MMAB: variants seen among roughly 807,000 people sequenced by gnomAD.
MMAB encodes metabolism of cobalamin associated B, also known as corrinoid adenosyltransferase MMAB.
In MMAB, 17 loss-of-function variants were observed where a neutral mutation model predicts 30.6. The observed-to-expected ratio is 0.56, with a 90% CI of 0.38 to 0.83. The LOEUF is 0.83. Ranked by LOEUF, MMAB falls within the 40% of genes least tolerant of loss-of-function variation. The probability of loss-of-function intolerance (pLI) is 0.00; values close to 1 mark genes in which losing one functional copy is unlikely to be tolerated. For synonymous variants in MMAB, 134 were observed against 138.6 expected, an observed-to-expected ratio of 0.97 and a Z score of 0.23; for missense variants, 311 against 331.6, an observed-to-expected ratio of 0.94 and a Z score of 0.48.
Position 109,557,146 on chromosome 12 carries a change from CAGAG to C in MMAB, c.645-14_645-11del. The stretch of plus-strand genomic sequence containing the variant: ...GAGATAGTCACTGAGTCTGGAGGGG[CAGAG>C]AGAGAGAAGCAAACAGAATGGTTTG... On this transcript the variant is annotated splice_polypyrimidine_tract_variant and intron_variant, in intron 8 of 8. Coordinates refer to ENST00000545712, the MANE Select transcript of MMAB (RefSeq NM_052845.4). 1 of 1,566,984 alleles carries C rather than the reference CAGAG, an allele frequency of 6.4e-7. No individual in the cohort carries two copies. The highest frequency in any genetic ancestry group is 8.8e-7 in the Non-Finnish European group (1 of 1,137,204).
At chr12:109,557,464 G>A (rs1157196641) in intron 8 of MMAB, among the ~76,000 whole-genome samples, 1 of 152,192 alleles carries the variant, frequency 6.6e-6, no homozygotes, top group Non-Finnish European at 1.5e-5. Context: ...CAGGGCTCAG[G>A]TGCGTGATCA....
rs746823302 is a variant in MMAB at position 109,555,275 on chromosome 12, GTTTTTT to G, written c.*1747_*1752del. On this transcript the variant is annotated 3_prime_UTR_variant, in exon 9 of 9. Coordinates refer to ENST00000545712, the MANE Select transcript of MMAB (RefSeq NM_052845.4). ...GAGCCTTAGTGATTGCGTTTTCAGG[GTTTTTT>G]TTTTTTTTTTTTTTTTTTTGTGACG... 0.13 allele frequency: 40,861 copies of G among 321,086 alleles called. 235 individuals carry two copies. Among genetic ancestry groups the G allele is most frequent in the Middle Eastern group, 0.16 (154 of 936 alleles). 19.9% of individuals were successfully genotyped at this position (321,086 alleles called of 1,614,324 possible).
In MMAB at chr12:109,554,664, G is replaced by C. The variant is rs1443018134; in HGVS notation, c.*2364C>G. 2 of 454,002 alleles carry C rather than the reference G, an allele frequency of 4.4e-6. No individual in the cohort carries two copies. Among genetic ancestry groups the C allele is most frequent in the African/African-American group, 2.0e-5 (1 of 50,006 alleles). 28.1% of individuals were successfully genotyped at this position (454,002 alleles called of 1,614,324 possible). ...TTCGCAGTCACATTTCCTGACTGTA[G>C]GGCTTTCATTAACTTTTCCCACCTG... On this transcript the variant is annotated 3_prime_UTR_variant, in exon 9 of 9. Transcript: ENST00000545712.
rs72650195 is a variant in MMAB at position 109,567,320 on chromosome 12, G to A, written c.290+1450C>T. ...ATCATGATGACTACTTGACAGAACC[G>A]TAAACTGAGGCTCACAGAGGCCACG... is the stretch of plus-strand genomic sequence containing the variant. On this transcript the variant is annotated intron_variant, in intron 3 of 8. Coordinates refer to ENST00000545712, the MANE Select transcript of MMAB (RefSeq NM_052845.4). 7.4e-3 allele frequency among the ~76,000 whole-genome samples: 1,123 copies of A among 152,290 alleles called. 13 individuals carry two copies. The highest frequency in any genetic ancestry group is 0.011 in the Non-Finnish European group (775 of 68,020).
rs183354300 is a variant in MMAB, at chr12:109,555,040, G to A, written c.*1988C>T. 344 of 454,070 alleles carry A rather than the reference G, an allele frequency of 7.6e-4. 1 individual carries two copies. The highest frequency in any genetic ancestry group is 2.7e-3 in the African/African-American group (136 of 50,098). 28.1% of individuals were successfully genotyped at this position (454,070 alleles called of 1,614,324 possible). A position where few individuals can be genotyped will look rare whatever the true frequency, so the allele number is the denominator to read the frequency against. Reference sequence around the variant, plus strand: ...GGACAGGACTTGGCAACAGGTGAACGGCCTTGTTTCAAAGATTGTCACTTT... The same window carrying A: ...GGACAGGACTTGGCAACAGGTGAACAGCCTTGTTTCAAAGATTGTCACTTT... On this transcript the variant is annotated 3_prime_UTR_variant, in exon 9 of 9. Transcript: ENST00000545712.
chr12:109,565,123 T>C lies in MMAB; in HGVS notation c.344A>G (p.Gln115Arg). 1 of 1,613,800 alleles carries C rather than the reference T, an allele frequency of 6.2e-7. No individual in the cohort carries two copies. The highest frequency in any genetic ancestry group is 1.7e-4 in the Middle Eastern group (1 of 6,060). ...GGGTGAGATGGTGTTACTCACTTTC[T>C]GAAGCTCTTCGGCAAATGTATGGCC... ...EKGHTFAEEL[Q>R]KIQCTLQDVG... Residue 115 changes from glutamine (Q) to arginine (R), a missense_variant, in exon 4 of 9, where the codon CAG becomes CGG. By Grantham distance (43) the Gln-to-Arg change is conservative (BLOSUM62 1). Coordinates refer to ENST00000545712, the MANE Select transcript of MMAB (RefSeq NM_052845.4).
At chr12:109,559,035 G>C in intron 8 of MMAB, 61 bp downstream of exon 8, 1 of 1,317,446 alleles carries the variant, frequency 7.6e-7, no homozygotes, top group Non-Finnish European at 1.1e-6. Context: ...CTGCACCGCT[G>C]CTACTTCCCA....
intron 8 of MMAB, 38 bp downstream of exon 8, chr12:109,559,058 G>T: frequency 1.3e-6 from 2 of 1,560,944 alleles, no homozygotes; most frequent in Non-Finnish European, 1.8e-6. Flanking sequence ...GATGAGCCTC[G>T]GCTTTCAGAG....
chr12:109,555,811 T>A lies in MMAB; in HGVS notation c.*1217A>T, dbSNP rs747661938. 1 of 454,012 alleles carries A rather than the reference T, an allele frequency of 2.2e-6. No homozygotes were observed. The highest frequency in any genetic ancestry group is 1.6e-5 in the South Asian group (1 of 64,470). The allele number at this position is 454,012 out of a possible 1,614,324, so 28.1% of individuals were successfully genotyped here. Reference sequence around the variant, plus strand: ...AACTTTGCAGGCCAGGTGGTAAGAATGAAGGCAAAAATATGCACGTGACTA... The same window carrying A: ...AACTTTGCAGGCCAGGTGGTAAGAAAGAAGGCAAAAATATGCACGTGACTA... On this transcript the variant is annotated 3_prime_UTR_variant, in exon 9 of 9. Transcript: ENST00000545712.
In MMAB at chr12:109,553,743, A is replaced by T. The variant is rs1270780756; in HGVS notation, c.*3285T>A. 2.4e-6 allele frequency: 1 copy of T among 411,556 alleles called. No homozygotes were observed. The highest frequency in any genetic ancestry group is 1.8e-5 in the South Asian group (1 of 56,526). The allele number at this position is 411,556 out of a possible 1,614,324, so 25.5% of individuals were successfully genotyped here. A position where few individuals can be genotyped will look rare whatever the true frequency, so the allele number is the denominator to read the frequency against. ...ATGTAGCATTCATGCGGAATTTATTATACAAAGAATTTTATTCAATTAAAC... is the reference window on the plus strand; with the variant it reads ...ATGTAGCATTCATGCGGAATTTATTTTACAAAGAATTTTATTCAATTAAAC... On this transcript the variant is annotated 3_prime_UTR_variant, in exon 9 of 9. Coordinates refer to ENST00000545712, the MANE Select transcript of MMAB (RefSeq NM_052845.4).
In MMAB at chr12:109,561,759, C is replaced by T; in HGVS notation, c.421+21G>A. 7 of 1,597,634 alleles carry T rather than the reference C, an allele frequency of 4.4e-6. No individual in the cohort carries two copies. The highest frequency in any genetic ancestry group is 6.0e-6 in the Non-Finnish European group (7 of 1,170,812). On this transcript the variant is annotated intron_variant, in intron 5 of 8. Coordinates refer to ENST00000545712, the MANE Select transcript of MMAB (RefSeq NM_052845.4). This position sits in a 1 kb window ranked among gnomAD's most constrained non-coding sequence, Gnocchi z 5.3. ...CCTGACCCTAGGGCCCTCTGAACAC[C>T]CACAGGAGTTTGAGAATTACTTAAG...
At chr12:109,559,527 T>G (rs1192323831) in intron 7 of MMAB, among the ~76,000 whole-genome samples, 1 of 152,218 alleles carries the variant, frequency 6.6e-6, no homozygotes, top group African/African-American at 2.4e-5. Context: ...TGACCCTTAA[T>G]TCCCAATGGG....
chr12:109,564,215 TG>T (rs1884325856), intron 4 of MMAB, among the ~76,000 whole-genome samples: 1 of 152,136 alleles, frequency 6.6e-6, no homozygotes, highest in Admixed American at 6.5e-5. Context: ...CACCCAGATG[TG>T]GCAACCAAAA....
chr12:109,559,685 GCCATC>G (rs1365453239), intron 7 of MMAB, among the ~76,000 whole-genome samples: 1 of 152,242 alleles, frequency 6.6e-6, no homozygotes, highest in African/African-American at 2.4e-5. Context: ...ACACTGGACG[GCCATC>G]TGCTGGGCAC....
rs886048923 is a variant in MMAB, at chr12:109,556,519, G to C, written c.*509C>G. 1.3e-5 allele frequency: 6 copies of C among 453,808 alleles called. No individual in the cohort carries two copies. The highest frequency in any genetic ancestry group is 9.4e-5 in the Admixed American group (4 of 42,538). The allele number at this position is 453,808 out of a possible 1,614,324, so 28.1% of individuals were successfully genotyped here. A position where few individuals can be genotyped will look rare whatever the true frequency, so the allele number is the denominator to read the frequency against. Reference sequence around the variant, plus strand: ...GTGACTAAACTTCCAAATCTTGTCCGCCTTCCCCTTTACAAATGTGACATT... The same window carrying C: ...GTGACTAAACTTCCAAATCTTGTCCCCCTTCCCCTTTACAAATGTGACATT... On this transcript the variant is annotated 3_prime_UTR_variant, in exon 9 of 9. Coordinates refer to ENST00000545712, the MANE Select transcript of MMAB (RefSeq NM_052845.4).
intron 4 of MMAB, among the ~76,000 whole-genome samples, chr12:109,563,641 T>C (rs1361069250): frequency 6.6e-6 from 1 of 152,238 alleles, no homozygotes; most frequent in Non-Finnish European, 1.5e-5. Flanking sequence ...ACGTGACAGC[T>C]GCGACCCAAC....
intron 3 of MMAB, among the ~76,000 whole-genome samples, chr12:109,567,615 G>A (rs1037099359): frequency 6.6e-6 from 1 of 152,130 alleles, no homozygotes; most frequent in African/African-American, 2.4e-5. Flanking sequence ...GTGAATAAAT[G>A]GAAGGCATCA....
rs1464509323 is a variant in MMAB, at chr12:109,555,687, C to T, written c.*1341G>A. On this transcript the variant is annotated 3_prime_UTR_variant, in exon 9 of 9. Transcript: ENST00000545712. Reference sequence around the variant, plus strand: ...GCATTCACACACTCCTGGTCATCTGCACCTCACCCACCCTGCCCAAGGCTC... The same window carrying T: ...GCATTCACACACTCCTGGTCATCTGTACCTCACCCACCCTGCCCAAGGCTC... The T allele has an allele frequency of 2.2e-6, 1 of 453,566 alleles. No homozygotes were observed. The highest frequency in any genetic ancestry group is 4.4e-6 in the Non-Finnish European group (1 of 226,544). The allele number at this position is 453,566 out of a possible 1,614,324, so 28.1% of individuals were successfully genotyped here.
At position 109,556,820 on chromosome 12, in the gene MMAB, G is replaced by A; in HGVS notation, c.*208C>T. The A allele has an allele frequency of 1.5e-6, 1 of 671,068 alleles. No individual in the cohort carries two copies. The highest frequency in any genetic ancestry group is 2.7e-6 in the Non-Finnish European group (1 of 366,326). 41.6% of individuals were successfully genotyped at this position (671,068 alleles called of 1,614,324 possible). On this transcript the variant is annotated 3_prime_UTR_variant, in exon 9 of 9. Transcript: ENST00000545712. ...CCCTCCAAGACCCAGGAGAGCTTGG[G>A]GAAGCAGGGTCAGGGACAGAATCCC...
Sources: allele counts gnomAD v4.1 joint callset (sites outside exome capture counted in the v4.1 genomes callset), GRCh38; gene constraint gnomAD v4.1.1; non-coding constraint Gnocchi (gnomAD v3.1); transcripts MANE v1.5; gene names NCBI Gene and HGNC (gene_info 2026-07-23, HGNC 2026-07-21).